PARD3: variants seen among roughly 807,000 people sequenced by gnomAD.
The protein encoded by PARD3 is par-3 family cell polarity regulator, also known as partitioning defective 3 homolog.
In PARD3, 75 loss-of-function variants were observed where a neutral mutation model predicts 155.4. The observed-to-expected ratio is 0.48, with a 90% CI of 0.40 to 0.58. PARD3 has a LOEUF of 0.58. Ranked by LOEUF, PARD3 falls within the 20% of genes least tolerant of loss-of-function variation. The probability of loss-of-function intolerance (pLI) is 0.00; values close to 1 mark genes in which losing one functional copy is unlikely to be tolerated. For missense variants in PARD3, 1,642 were observed against 1,721.7 expected (o/e 0.95, Z 0.82); for synonymous variants, 576 against 610.5 (o/e 0.94, Z 0.83).
intron 1 of PARD3, among the ~76,000 whole-genome samples, chr10:34,811,687 T>C (rs1367400130): frequency 1.3e-5 from 2 of 152,214 alleles, no homozygotes; most frequent in Non-Finnish European, 2.9e-5. Flanking sequence ...TTATACTTTT[T>C]TTTGAAAATT....
At chr10:34,762,177 A>G (rs1191359411) in intron 1 of PARD3, among the ~76,000 whole-genome samples, 1 of 152,154 alleles carries the variant, frequency 6.6e-6, no homozygotes, top group East Asian at 1.9e-4. Context: ...TTCTAAAACA[A>G]AACCCTAAAA....
chr10:34,737,530 G>A (rs567185124), intron 1 of PARD3, among the ~76,000 whole-genome samples: 8 of 152,302 alleles, frequency 5.3e-5, no homozygotes, highest in Admixed American at 5.2e-4. Flanking sequence ...AAACCACAGT[G>A]CTCTGGTTTG....
chr10:34,741,174 A>ATTTTTTTTTT (rs71033345), intron 1 of PARD3, among the ~76,000 whole-genome samples: 20,014 of 113,436 alleles, frequency 0.18, 2,710 homozygotes, highest in East Asian at 0.36. Flanking sequence ...CGTAAACCAA[A>ATTTTTTTTTT]TTTTTTTTTT....
At chr10:34,520,194 A>G (rs1311518966) in intron 2 of PARD3, among the ~76,000 whole-genome samples, 2 of 152,296 alleles carry the variant, frequency 1.3e-5, no homozygotes, top group East Asian at 3.9e-4. Context: ...TTTATATATC[A>G]TCAATCCATT....
At chr10:34,615,483 G>T (rs927733099) in intron 2 of PARD3, among the ~76,000 whole-genome samples, 1 of 152,166 alleles carries the variant, frequency 6.6e-6, no homozygotes, top group South Asian at 2.1e-4. Context: ...AGACTTAAAT[G>T]TAAGGCCAAA....
chr10:34,444,587 G>A (rs2076639296), intron 5 of PARD3, among the ~76,000 whole-genome samples: 1 of 152,140 alleles, frequency 6.6e-6, no homozygotes, highest in African/African-American at 2.4e-5. Flanking sequence ...TCAGCTATGG[G>A]CTATTCTGAA....
chr10:34,383,426 G>A (rs1284955069), intron 8 of PARD3, among the ~76,000 whole-genome samples: 1 of 148,030 alleles, frequency 6.8e-6, no homozygotes, highest in African/African-American at 2.6e-5. Flanking sequence ...GAAGACTATA[G>A]AAAGTAACTA....
intron 2 of PARD3, among the ~76,000 whole-genome samples, chr10:34,677,690 T>C (rs539770248): frequency 9.9e-5 from 15 of 152,278 alleles, no homozygotes; most frequent in East Asian, 1.9e-4. Flanking sequence ...CTGAAGCACC[T>C]ATCTGTAATG....
At chr10:34,698,300 C>T (rs909890645) in intron 1 of PARD3, among the ~76,000 whole-genome samples, 3 of 152,286 alleles carry the variant, frequency 2.0e-5, no homozygotes, top group Non-Finnish European at 2.9e-5. Flanking sequence ...TTCTCAACCT[C>T]ATAACTTCAT....
At chr10:34,767,063 A>ACAGT (rs1838195026) in intron 1 of PARD3, among the ~76,000 whole-genome samples, 1 of 152,256 alleles carries the variant, frequency 6.6e-6, no homozygotes, top group South Asian at 2.1e-4. Flanking sequence ...ATGGCCTGAG[A>ACAGT]CAGTGGCTTG....
chr10:34,600,962 A>AT (rs1028271994), intron 2 of PARD3, among the ~76,000 whole-genome samples: 1,808 of 90,112 alleles, frequency 0.02, 54 homozygotes, highest in South Asian at 0.025. Context: ...CATTTTTTTA[A>AT]TTTTTTTTTT....
intron 4 of PARD3, among the ~76,000 whole-genome samples, chr10:34,463,127 G>A (rs1321589655): frequency 2.4e-5 from 3 of 124,674 alleles, no homozygotes; most frequent in Non-Finnish European, 5.0e-5. Flanking sequence ...GAAAAGGAAA[G>A]GAAAAGGGAA....
At chr10:34,162,304 T>C (rs1205903302) in intron 22 of PARD3, among the ~76,000 whole-genome samples, 1 of 152,104 alleles carries the variant, frequency 6.6e-6, no homozygotes, top group African/African-American at 2.4e-5. Context: ...AGCCCTCGTA[T>C]TCAACTGTTA....
chr10:34,393,168 G>A (rs1338091356), intron 7 of PARD3, among the ~76,000 whole-genome samples: 3 of 147,290 alleles, frequency 2.0e-5, no homozygotes, highest in Non-Finnish European at 3.0e-5. Context: ...AAAAAAAAGT[G>A]TATATAAACA....
intron 1 of PARD3, among the ~76,000 whole-genome samples, chr10:34,757,052 T>C (rs1836832095): frequency 6.6e-6 from 1 of 152,226 alleles, no homozygotes; most frequent in Admixed American, 6.5e-5. Context: ...GAAAAATTTC[T>C]CCTTGATTCC....
intron 1 of PARD3, among the ~76,000 whole-genome samples, chr10:34,765,285 T>C (rs149205650): frequency 5.1e-4 from 77 of 152,326 alleles, no homozygotes; most frequent in Non-Finnish European, 7.5e-4. Flanking sequence ...ATACTATTTG[T>C]GTCCCAGGTA....
At chr10:34,367,999 T>C (rs1387904791) in intron 12 of PARD3, among the ~76,000 whole-genome samples, 2 of 152,174 alleles carry the variant, frequency 1.3e-5, no homozygotes, top group Admixed American at 1.3e-4. Context: ...AAACCTGTAG[T>C]CTCAGCACTT....
chr10:34,519,552 G>A (rs936517695), intron 2 of PARD3, among the ~76,000 whole-genome samples: 4 of 152,044 alleles, frequency 2.6e-5, no homozygotes, highest in Non-Finnish European at 5.9e-5. Flanking sequence ...GGTGGCTCAC[G>A]CCTGTAATCC....
At chr10:34,762,199 C>G (rs1240964648) in intron 1 of PARD3, among the ~76,000 whole-genome samples, 1 of 151,798 alleles carries the variant, frequency 6.6e-6, no homozygotes, top group Admixed American at 6.6e-5. Flanking sequence ...ATTTATCAAC[C>G]CACTTTACTA....
Sources: gnomAD v4.1 joint callset for allele counts (sites outside exome capture counted in the v4.1 genomes callset) on GRCh38, gnomAD v4.1.1 for gene constraint, MANE v1.5 for transcripts, NCBI Gene and HGNC (gene_info 2026-07-23, HGNC 2026-07-21) for gene names.